Variants in TMEM132C observed in about 807,000 individuals in gnomAD.
TMEM132C encodes protein phosphatase 1, regulatory subunit 152.
A neutral mutation model predicts 61.4 loss-of-function variants in TMEM132C; 29 were observed. The observed-to-expected ratio is 0.47, with a 90% confidence interval of 0.35 to 0.64. The LOEUF is 0.64. TMEM132C is among the 30% of genes least tolerant of loss of function. TMEM132C has a pLI of 0.00. For synonymous variants in TMEM132C, 656 were observed against 633.1 expected, an observed-to-expected ratio of 1.04 and a Z score of -0.54; for missense variants, 1,408 against 1,476.9, an observed-to-expected ratio of 0.95 and a Z score of 0.76.
intron 1 of TMEM132C, among the ~76,000 whole-genome samples, chr12:128,328,639 T>C (rs565375007): frequency 2.6e-5 from 4 of 151,882 alleles, no homozygotes; most frequent in East Asian, 2.0e-4. Flanking sequence ...ATACAAAAAT[T>C]AGCTGAGTGT....
chr12:128,446,323 A>G (rs1565938816), intron 2 of TMEM132C, among the ~76,000 whole-genome samples: 1 of 152,230 alleles, frequency 6.6e-6, no homozygotes, highest in East Asian at 1.9e-4. Flanking sequence ...AGGGATGCAG[A>G]CAGGTGCACC....
intron 3 of TMEM132C, among the ~76,000 whole-genome samples, chr12:128,568,275 G>A (rs1383689180): frequency 6.6e-6 from 1 of 152,168 alleles, no homozygotes; most frequent in African/African-American, 2.4e-5. Context: ...TTCAGGGGCA[G>A]CCAGAGGATA....
intron 3 of TMEM132C, among the ~76,000 whole-genome samples, chr12:128,564,304 A>G (rs1353203363): frequency 6.6e-6 from 1 of 152,232 alleles, no homozygotes; most frequent in Non-Finnish European, 1.5e-5. Context: ...TATGCGGGTC[A>G]CAACACCTTT....
At chr12:128,639,943 G>C (rs1185620483) in intron 4 of TMEM132C, among the ~76,000 whole-genome samples, 2 of 152,162 alleles carry the variant, frequency 1.3e-5, no homozygotes, top group African/African-American at 4.8e-5. Flanking sequence ...GATGAATTTT[G>C]TTGTTGTTCA....
rs140880288 is a variant in TMEM132C, at chr12:128,646,657, C to T, written c.1306-22760C>T. Among the ~76,000 whole-genome samples, 342 of 146,890 alleles carry T rather than the reference C, an allele frequency of 2.3e-3. 2 individuals are homozygous for T. Among genetic ancestry groups the T allele is most frequent in the African/African-American group, 8.0e-3 (315 of 39,414 alleles). ...GAGTGTGTTTAGCTCAGTCCATCAG[C>T]GTTGGATGAGTGTGTTTACTGGAGT... is the stretch of plus-strand genomic sequence containing the variant. On this transcript the variant is annotated intron_variant, in intron 4 of 8. Transcript: ENST00000435159.
chr12:128,620,136 G>A (rs1342129616), intron 4 of TMEM132C, among the ~76,000 whole-genome samples: 1 of 151,566 alleles, frequency 6.6e-6, no homozygotes, highest in Non-Finnish European at 1.5e-5. Flanking sequence ...GGAGGCTGAG[G>A]TGGGAGGATC....
chr12:128,700,549 A>G (rs1954796665), intron 8 of TMEM132C, among the ~76,000 whole-genome samples: 1 of 152,192 alleles, frequency 6.6e-6, no homozygotes, highest in African/African-American at 2.4e-5. Context: ...AGCCACGATG[A>G]ACTTGCACAC....
intron 2 of TMEM132C, among the ~76,000 whole-genome samples, chr12:128,429,203 A>G (rs898420618): frequency 3.3e-5 from 5 of 152,144 alleles, no homozygotes; most frequent in African/African-American, 1.2e-4. Flanking sequence ...TGGTTGTCAA[A>G]ATTGGCGAGG....
At chr12:128,480,884 G>A (rs1323885660) in intron 2 of TMEM132C, among the ~76,000 whole-genome samples, 2 of 152,176 alleles carry the variant, frequency 1.3e-5, no homozygotes, top group Admixed American at 6.5e-5. Flanking sequence ...GGATTCGGCT[G>A]CTTGGAAAGG....
At chr12:128,268,886 AG>A (rs144707523) in intron 1 of TMEM132C, among the ~76,000 whole-genome samples, 7 of 102,190 alleles carry the variant, frequency 6.8e-5, no homozygotes, top group African/African-American at 1.2e-4. Context: ...GGGGTGAGAG[AG>A]GGGGGGGAAG....
intron 1 of TMEM132C, among the ~76,000 whole-genome samples, chr12:128,404,976 G>A (rs1174563254): frequency 1.3e-5 from 2 of 151,320 alleles, no homozygotes; most frequent in African/African-American, 4.9e-5. Flanking sequence ...AGCAATGAAC[G>A]TGCTGTCCAC....
chr12:128,538,223 T>C (rs1002450421), intron 2 of TMEM132C, among the ~76,000 whole-genome samples: 2 of 152,162 alleles, frequency 1.3e-5, no homozygotes, highest in Non-Finnish European at 2.9e-5. Context: ...TGGGTTCAAG[T>C]GATTCCCCTG....
At chr12:128,533,348 C>T (rs757248919) in intron 2 of TMEM132C, among the ~76,000 whole-genome samples, 7 of 152,164 alleles carry the variant, frequency 4.6e-5, no homozygotes, top group Non-Finnish European at 2.9e-5. Flanking sequence ...CAGGGGTGGG[C>T]TGCTTTCTTA....
At chr12:128,514,932 C>T (rs1872673342) in intron 2 of TMEM132C, among the ~76,000 whole-genome samples, 2 of 152,160 alleles carry the variant, frequency 1.3e-5, no homozygotes, top group South Asian at 4.1e-4. Context: ...GGCTGTTGAT[C>T]CTGAGTCCCC....
At chr12:128,543,667 G>A (rs1331499184) in intron 2 of TMEM132C, among the ~76,000 whole-genome samples, 2 of 152,096 alleles carry the variant, frequency 1.3e-5, no homozygotes, top group Non-Finnish European at 2.9e-5. Context: ...CAGGCTGAGT[G>A]CATGCCTTGA....
chr12:128,501,706 T>G (rs1264954887), intron 2 of TMEM132C, among the ~76,000 whole-genome samples: 2 of 152,212 alleles, frequency 1.3e-5, no homozygotes, highest in African/African-American at 4.8e-5. Context: ...ACCACAATGA[T>G]TATCTGAATC....
chr12:128,497,674 T>C (rs1872015341), intron 2 of TMEM132C, among the ~76,000 whole-genome samples: 1 of 152,144 alleles, frequency 6.6e-6, no homozygotes, highest in Non-Finnish European at 1.5e-5. Context: ...GCTAAGACCA[T>C]TGGAAAAGCG....
At position 128,678,367 on chromosome 12, in the gene TMEM132C, G is replaced by A. The variant is rs1237237741; in HGVS notation, c.1449+8807G>A. ...GGGGTCCCTGCTGTAAAGCAAGGACGCTCATTCCTTGAGGGGCTCTTCTAG... is the reference window on the plus strand; with the variant it reads ...GGGGTCCCTGCTGTAAAGCAAGGACACTCATTCCTTGAGGGGCTCTTCTAG... On this transcript the variant is annotated intron_variant, in intron 5 of 8. Coordinates refer to ENST00000435159, the MANE Select transcript of TMEM132C (RefSeq NM_001136103.3). 3.9e-5 allele frequency among the ~76,000 whole-genome samples: 6 copies of A among 152,292 alleles called. No individual in the cohort carries two copies. In the South Asian group the frequency reaches 6.2e-4, roughly 16 times the overall value.
intron 2 of TMEM132C, among the ~76,000 whole-genome samples, chr12:128,515,011 C>T (rs1250605511): frequency 6.6e-6 from 1 of 152,214 alleles, no homozygotes; most frequent in Non-Finnish European, 1.5e-5. Context: ...TGCTAAGAGT[C>T]TGGACACGGA....
Sources: allele counts gnomAD v4.1 joint callset (sites outside exome capture counted in the v4.1 genomes callset), GRCh38; gene constraint gnomAD v4.1.1; transcripts MANE v1.5; gene names NCBI Gene and HGNC (gene_info 2026-07-23, HGNC 2026-07-21).